Variants in MGAT4C observed in about 807,000 individuals in gnomAD.
MGAT4C encodes MGAT4 family member C.
A neutral mutation model predicts 40.1 loss-of-function variants in MGAT4C; 19 were observed. The ratio of observed to expected loss-of-function variants is 0.47; its 90% CI spans 0.33 to 0.70. MGAT4C has a LOEUF of 0.70. Among genes scored for constraint, MGAT4C ranks in the 30% least tolerant of loss-of-function variants. The pLI is 0.02. For synonymous variants in MGAT4C, 181 were observed against 187.1 expected (o/e 0.97, Z 0.27); for missense variants, 491 against 563.2 (o/e 0.87, Z 1.30).
chr12:86,313,696 T>A (rs1004130794), intron 4 of MGAT4C, among the ~76,000 whole-genome samples: 1 of 152,198 alleles, frequency 6.6e-6, no homozygotes, highest in African/African-American at 2.4e-5. Context: ...TTAACTAAAT[T>A]ACGTCTTAGC....
chr12:86,705,017 G>A (rs187042067), intron 2 of MGAT4C, among the ~76,000 whole-genome samples: 2 of 152,038 alleles, frequency 1.3e-5, no homozygotes, highest in East Asian at 1.9e-4. Flanking sequence ...CATGTTATCC[G>A]GGCCCCACCT....
intron 4 of MGAT4C, among the ~76,000 whole-genome samples, chr12:86,270,980 C>T (rs1219071127): frequency 6.6e-6 from 1 of 152,118 alleles, no homozygotes; most frequent in Non-Finnish European, 1.5e-5. Context: ...ACAAATAAAA[C>T]TGGAATTCTA....
chr12:86,724,740 A>T (rs913069828), intron 2 of MGAT4C, among the ~76,000 whole-genome samples: 3 of 152,196 alleles, frequency 2.0e-5, no homozygotes, highest in African/African-American at 7.2e-5. Flanking sequence ...TGAAAGCTTA[A>T]AAATCAACAT....
intron 1 of MGAT4C, among the ~76,000 whole-genome samples, chr12:86,058,056 A>G (rs1415680785): frequency 2.0e-5 from 3 of 152,098 alleles, no homozygotes; most frequent in Non-Finnish European, 2.9e-5. Context: ...TTAGATTTTT[A>G]TAAAAGAGAG....
chr12:86,546,506 G>A (rs1420717654), intron 2 of MGAT4C, among the ~76,000 whole-genome samples: 4 of 151,870 alleles, frequency 2.6e-5, no homozygotes, highest in Admixed American at 6.6e-5. Flanking sequence ...GAAACCATAT[G>A]TCTCCAAACA....
Position 85,955,916 on chromosome 12 carries a change from A to G in MGAT4C, c.*23373T>C, listed in dbSNP as rs1169144770. 1 of 152,220 alleles carries G rather than the reference A, an allele frequency of 6.6e-6. No homozygotes were observed. Among genetic ancestry groups the G allele is most frequent in the Non-Finnish European group, 1.5e-5 (1 of 68,012 alleles). The allele number at this position is 152,220 out of a possible 1,614,324, so 9.4% of individuals were successfully genotyped here. A position where few individuals can be genotyped will look rare whatever the true frequency, so the allele number is the denominator to read the frequency against. On this transcript the variant is annotated 3_prime_UTR_variant, in exon 5 of 5. Transcript: ENST00000611864. ...ATTTTTGTGTATATACATTTCAATC[A>G]GTAAATATCAACTACAAGGTTAGTG...
intron 2 of MGAT4C, among the ~76,000 whole-genome samples, chr12:86,042,192 C>T (rs1011079872): frequency 6.6e-6 from 1 of 152,158 alleles, no homozygotes; most frequent in African/African-American, 2.4e-5. Context: ...AACTTTAATC[C>T]TATGGATGAC....
intron 3 of MGAT4C, among the ~76,000 whole-genome samples, chr12:86,430,107 T>C (rs1315912879): frequency 6.6e-6 from 1 of 152,202 alleles, no homozygotes; most frequent in Non-Finnish European, 1.5e-5. Flanking sequence ...TGTCTGGTTC[T>C]TTCCTATTGT....
chr12:86,655,330 C>G (rs949293578), intron 2 of MGAT4C, among the ~76,000 whole-genome samples: 1 of 152,048 alleles, frequency 6.6e-6, no homozygotes, highest in Admixed American at 6.6e-5. Flanking sequence ...CAACTCCATT[C>G]AACTCTGAAA....
chr12:86,295,713 C>T (rs1341698042), intron 4 of MGAT4C, among the ~76,000 whole-genome samples: 1 of 152,046 alleles, frequency 6.6e-6, no homozygotes, highest in East Asian at 1.9e-4. Context: ...TTTACAATCC[C>T]TGAGCTAGAT....
chr12:86,819,409 AG>A (rs1041007034), intron 1 of MGAT4C, among the ~76,000 whole-genome samples: 1 of 150,846 alleles, frequency 6.6e-6, no homozygotes, highest in Admixed American at 6.6e-5. Flanking sequence ...AATGCAAAAA[AG>A]AAAAAAACTA....
At chr12:86,640,330 A>G (rs1963343386) in intron 2 of MGAT4C, among the ~76,000 whole-genome samples, 1 of 151,828 alleles carries the variant, frequency 6.6e-6, no homozygotes, top group Non-Finnish European at 1.5e-5. Context: ...AGTTATTTTG[A>G]TTGAATAAAG....
intron 2 of MGAT4C, among the ~76,000 whole-genome samples, chr12:86,456,044 T>G (rs189972354): frequency 1.0e-3 from 158 of 152,260 alleles, no homozygotes; most frequent in Middle Eastern, 6.8e-3. Context: ...AAATTACGAT[T>G]AGCATGAGAA....
At chr12:86,426,872 G>A (rs148947570) in intron 3 of MGAT4C, among the ~76,000 whole-genome samples, 2,089 of 152,162 alleles carry the variant, frequency 0.014, 41 homozygotes, top group African/African-American at 0.048. Context: ...GCGTGAACCC[G>A]GGAGGCAGAG....
chr12:86,672,595 A>G (rs1355902429), intron 2 of MGAT4C, among the ~76,000 whole-genome samples: 1 of 152,144 alleles, frequency 6.6e-6, no homozygotes, highest in East Asian at 1.9e-4. Context: ...GAGACAATAC[A>G]TCTGATACTA....
chr12:86,477,337 C>T (rs1306438687), intron 2 of MGAT4C, among the ~76,000 whole-genome samples: 2 of 151,982 alleles, frequency 1.3e-5, no homozygotes, highest in East Asian at 1.9e-4. Context: ...CACATATTCT[C>T]ACTTATAAGT....
At chr12:86,812,974 T>A (rs1400498100) in intron 1 of MGAT4C, among the ~76,000 whole-genome samples, 1 of 152,128 alleles carries the variant, frequency 6.6e-6, no homozygotes, top group Admixed American at 6.6e-5. Context: ...TTAGCCTAGA[T>A]AGGATGCCTA....
chr12:86,470,965 C>T (rs765559853), intron 2 of MGAT4C, among the ~76,000 whole-genome samples: 1 of 151,962 alleles, frequency 6.6e-6, no homozygotes, highest in Non-Finnish European at 1.5e-5. Context: ...GACCATGGAA[C>T]AGCATCTCAA....
chr12:86,017,274 C>A (rs529003367), intron 2 of MGAT4C, among the ~76,000 whole-genome samples: 2 of 152,178 alleles, frequency 1.3e-5, no homozygotes, highest in East Asian at 3.9e-4. Flanking sequence ...AACTACCAGC[C>A]ATGAAGATTT....
Sources: gnomAD v4.1 joint callset for allele counts (sites outside exome capture counted in the v4.1 genomes callset) on GRCh38, gnomAD v4.1.1 for gene constraint, MANE v1.5 for transcripts, NCBI Gene and HGNC (gene_info 2026-07-23, HGNC 2026-07-21) for gene names.